Variants in NTM observed in about 807,000 individuals in gnomAD.
The protein encoded by NTM is IgLON family member 2.
A neutral mutation model predicts 42.1 loss-of-function variants in NTM; 13 were observed. The ratio of observed to expected loss-of-function variants is 0.31; its 90% CI spans 0.20 to 0.49. NTM has a LOEUF of 0.49. NTM is among the 20% of genes least tolerant of loss of function. NTM has a pLI of 0.99. For synonymous variants in NTM, 187 were observed against 179.2 expected (o/e 1.04, Z -0.35); for missense variants, 373 against 452.8 (o/e 0.82, Z 1.60).
At chr11:131,469,994 GTAT>G (rs756994677) in intron 1 of NTM, among the ~76,000 whole-genome samples, 150 of 152,272 alleles carry the variant, frequency 9.9e-4, no homozygotes, top group Non-Finnish European at 1.8e-3. Flanking sequence ...GCTCTTTATG[GTAT>G]TATTCCAATG....
chr11:131,726,168 G>A (rs1363222416), intron 1 of NTM, among the ~76,000 whole-genome samples: 1 of 152,214 alleles, frequency 6.6e-6, no homozygotes, highest in Admixed American at 6.5e-5. Flanking sequence ...CACTCTACCT[G>A]CTGCTGGAAA....
At chr11:131,464,143 G>A (rs1314379566) in intron 1 of NTM, among the ~76,000 whole-genome samples, 1 of 152,114 alleles carries the variant, frequency 6.6e-6, no homozygotes. Flanking sequence ...CAGGAAGAGC[G>A]GTGGACGTGG....
At chr11:131,500,229 C>G (rs1369455074) in intron 1 of NTM, among the ~76,000 whole-genome samples, 2 of 152,174 alleles carry the variant, frequency 1.3e-5, no homozygotes, top group Non-Finnish European at 2.9e-5. Context: ...TACGCGGACT[C>G]AAGCTCAGAG....
At chr11:131,904,592 G>A (rs80216298) in intron 1 of NTM, among the ~76,000 whole-genome samples, 35 of 152,272 alleles carry the variant, frequency 2.3e-4, no homozygotes, top group Admixed American at 1.2e-3. Context: ...TTGCATGGTC[G>A]AAGAAGCTTT....
chr11:132,057,542 C>G (rs570960699), intron 2 of NTM, among the ~76,000 whole-genome samples: 38 of 152,296 alleles, frequency 2.5e-4, no homozygotes, highest in African/African-American at 6.7e-4. Context: ...CACCACGAGT[C>G]CCCTTTCGCC....
Position 132,287,500 on chromosome 11 carries a change from T to G in NTM, c.527-20189T>G, listed in dbSNP as rs570448492. 6.8e-4 allele frequency among the ~76,000 whole-genome samples: 104 copies of G among 152,070 alleles called. 1 individual carries two copies. In the Middle Eastern group the frequency reaches 0.017, roughly 25 times the overall value. On this transcript the variant is annotated intron_variant, in intron 4 of 8. Coordinates refer to ENST00000683400, the MANE Select transcript of NTM (RefSeq NM_001352005.2). ...TGCATATGTGTCATGCCACCTGAGGTTTAAGTTATATAAATTCTTGGGGGA... is the reference window on the plus strand; with the variant it reads ...TGCATATGTGTCATGCCACCTGAGGGTTAAGTTATATAAATTCTTGGGGGA...
chr11:131,557,055 C>CTTTTTTTTTTT (rs970811707), intron 1 of NTM, among the ~76,000 whole-genome samples: 3 of 151,942 alleles, frequency 2.0e-5, no homozygotes, highest in African/African-American at 7.3e-5. Context: ...TGATTTGTAA[C>CTTTTTTTTTTT]TTTTTTTCTT....
rs1565465278 is a variant in NTM at position 131,401,818 on chromosome 11, A to ATATATATATATGTGTG, written c.82+30941_82+30942insGTGTGTATATATATAT. On this transcript the variant is annotated intron_variant, in intron 1 of 8. Transcript: ENST00000683400. ...ACTGGAAATATATATATATATATATATATATATATATATATATATATATAT... is the reference window on the plus strand; with the variant it reads ...ACTGGAAATATATATATATATATATATATATATATATGTGTGTATATATATATATATATATATATAT... Among the ~76,000 whole-genome samples the ATATATATATATGTGTG allele has an allele frequency of 2.8e-4, 12 of 42,990 alleles. 1 individual carries two copies. Among genetic ancestry groups the ATATATATATATGTGTG allele is most frequent in the African/African-American group, 1.1e-3 (9 of 8,562 alleles). 28.2% of individuals were successfully genotyped at this position (42,990 alleles called of 152,430 possible).
intron 3 of NTM, among the ~76,000 whole-genome samples, chr11:132,194,325 A>G (rs545853421): frequency 6.6e-6 from 1 of 152,318 alleles, no homozygotes; most frequent in African/African-American, 2.4e-5. Context: ...GTACAAATCA[A>G]CAAATGTGTT....
At chr11:131,570,854 A>G (rs2057378613) in intron 1 of NTM, among the ~76,000 whole-genome samples, 1 of 152,248 alleles carries the variant, frequency 6.6e-6, no homozygotes, top group Non-Finnish European at 1.5e-5. Flanking sequence ...AATAATAAAA[A>G]TTATTCAGTA....
rs528496265 is a variant in NTM, at chr11:131,943,486, C to T, written c.167+31838C>T. On this transcript the variant is annotated intron_variant, in intron 2 of 8. Coordinates refer to ENST00000683400, the MANE Select transcript of NTM (RefSeq NM_001352005.2). Reference sequence around the variant, plus strand: ...TACGAGTCACCACTTTTCCCTGTTTCTCTTTTCTGAGTCCACCCTCCAGGT... The same window carrying T: ...TACGAGTCACCACTTTTCCCTGTTTTTCTTTTCTGAGTCCACCCTCCAGGT... Among the ~76,000 whole-genome samples the T allele has an allele frequency of 4.6e-5, 7 of 152,352 alleles. No individual in the cohort carries two copies. The South Asian group carries it at 1.5e-3, about 32-fold the overall frequency.
chr11:131,494,785 C>A (rs1955161450), intron 1 of NTM, among the ~76,000 whole-genome samples: 1 of 152,228 alleles, frequency 6.6e-6, no homozygotes, highest in Non-Finnish European at 1.5e-5. Context: ...AAGTTCCCGT[C>A]CACTGTGAAC....
chr11:131,412,755 A>G (rs1287422421), intron 1 of NTM, among the ~76,000 whole-genome samples: 1 of 152,176 alleles, frequency 6.6e-6, no homozygotes, highest in Non-Finnish European at 1.5e-5. Context: ...TTAAAAAATA[A>G]TATGTACTCT....
At chr11:131,874,992 C>A (rs945554398) in intron 1 of NTM, among the ~76,000 whole-genome samples, 1 of 152,116 alleles carries the variant, frequency 6.6e-6, no homozygotes, top group Non-Finnish European at 1.5e-5. Context: ...ATTTGTATGA[C>A]GGGGCCTGAT....
At chr11:131,989,755 A>G (rs922681312) in intron 2 of NTM, among the ~76,000 whole-genome samples, 2 of 152,058 alleles carry the variant, frequency 1.3e-5, no homozygotes, top group Non-Finnish European at 2.9e-5. Flanking sequence ...GAACACATAC[A>G]CATACACTTA....
At chr11:131,887,463 T>C (rs2050592742) in intron 1 of NTM, among the ~76,000 whole-genome samples, 1 of 152,226 alleles carries the variant, frequency 6.6e-6, no homozygotes, top group South Asian at 2.1e-4. Flanking sequence ...AAGTCACTTT[T>C]CACTGTGTCT....
At chr11:132,087,018 A>G (rs543823478) in intron 2 of NTM, among the ~76,000 whole-genome samples, 1 of 152,346 alleles carries the variant, frequency 6.6e-6, no homozygotes, top group South Asian at 2.1e-4. Context: ...AAAGGAAAGC[A>G]GACTGAAGAT....
intron 1 of NTM, among the ~76,000 whole-genome samples, chr11:131,726,031 G>A (rs1320372071): frequency 1.3e-5 from 2 of 152,192 alleles, no homozygotes; most frequent in South Asian, 4.1e-4. Context: ...AGGAAGCAAA[G>A]AGGGATAAAG....
chr11:131,616,014 C>A (rs1037676112), intron 1 of NTM, among the ~76,000 whole-genome samples: 2 of 152,246 alleles, frequency 1.3e-5, no homozygotes, highest in Non-Finnish European at 2.9e-5. Context: ...ATGTTAGCTG[C>A]TGCTTCACAT....
Sources: gnomAD v4.1 joint callset for allele counts (sites outside exome capture counted in the v4.1 genomes callset) on GRCh38, gnomAD v4.1.1 for gene constraint, MANE v1.5 for transcripts, NCBI Gene and HGNC (gene_info 2026-07-23, HGNC 2026-07-21) for gene names.